RBFOX1: variants seen among roughly 807,000 people sequenced by gnomAD.
The protein encoded by RBFOX1 is RNA binding protein fox-1 homolog 1.
In RBFOX1, 8 loss-of-function variants were observed where a neutral mutation model predicts 57.7. The ratio of observed to expected loss-of-function variants is 0.14; its 90% CI spans 0.08 to 0.25. The LOEUF (loss-of-function observed/expected upper bound fraction) is 0.25, where lower values mean the gene tolerates loss of function less well. Among genes scored for constraint, RBFOX1 ranks in the 10% least tolerant of loss-of-function variants. The pLI, the probability that RBFOX1 is intolerant of heterozygous loss-of-function variation, is 1.00. For synonymous variants in RBFOX1, 326 were observed against 222.4 expected (o/e 1.47, Z -4.15); for missense variants, 611 against 548.5 (o/e 1.11, Z -1.14).
chr16:7,058,574 G>T (rs2053219962), intron 4 of RBFOX1, among the ~76,000 whole-genome samples: 1 of 150,882 alleles, frequency 6.6e-6, no homozygotes, highest in Non-Finnish European at 1.5e-5. Flanking sequence ...TCATAAGTTT[G>T]TGTGTGTGTG....
chr16:6,602,052 A>G (rs1389906461), intron 2 of RBFOX1, among the ~76,000 whole-genome samples: 3 of 152,034 alleles, frequency 2.0e-5, no homozygotes, highest in South Asian at 2.1e-4. Flanking sequence ...AAGGCGTCCT[A>G]TTTCTCTCCT....
chr16:5,905,437 C>T (rs150027507), intron 4 of RBFOX1, among the ~76,000 whole-genome samples: 194 of 152,182 alleles, frequency 1.3e-3, no homozygotes, highest in African/African-American at 4.1e-3. Context: ...GAAGGCCAGG[C>T]GCAGTGGCTC....
At chr16:5,928,568 C>G (rs1362036555) in intron 4 of RBFOX1, among the ~76,000 whole-genome samples, 1 of 152,084 alleles carries the variant, frequency 6.6e-6, no homozygotes, top group Non-Finnish European at 1.5e-5. Flanking sequence ...TTAGGTAACA[C>G]TGGTGAAAGT....
At chr16:6,762,622 A>T (rs1261087299) in intron 3 of RBFOX1, among the ~76,000 whole-genome samples, 3 of 152,192 alleles carry the variant, frequency 2.0e-5, no homozygotes, top group Non-Finnish European at 1.5e-5. Flanking sequence ...AGCAAAAGTC[A>T]TTTTATCAAA....
intron 4 of RBFOX1, among the ~76,000 whole-genome samples, chr16:5,877,894 G>A (rs559499187): frequency 9.2e-5 from 14 of 152,298 alleles, no homozygotes; most frequent in South Asian, 2.1e-4. Flanking sequence ...TCTGGTGGGC[G>A]TGTCTTATGG....
intron 1 of RBFOX1, among the ~76,000 whole-genome samples, chr16:6,020,230 C>A (rs374697450): frequency 4.1e-4 from 62 of 152,012 alleles, no homozygotes; most frequent in African/African-American, 1.4e-3. Context: ...GAAGCACGTC[C>A]TTCCTTGCCC....
intron 5 of RBFOX1, among the ~76,000 whole-genome samples, chr16:7,572,445 T>C (rs1017597661): frequency 2.0e-5 from 3 of 152,174 alleles, no homozygotes; most frequent in African/African-American, 7.2e-5. Context: ...TCCCAGGAGA[T>C]ATTTTTTGTT....
At chr16:5,777,786 C>T (rs971054182) in intron 3 of RBFOX1, among the ~76,000 whole-genome samples, 1 of 152,128 alleles carries the variant, frequency 6.6e-6, no homozygotes, top group African/African-American at 2.4e-5. Flanking sequence ...TTATTTGGCA[C>T]AGGAGTAATA....
At chr16:7,115,140 T>G (rs543804040) in intron 4 of RBFOX1, among the ~76,000 whole-genome samples, 1 of 151,246 alleles carries the variant, frequency 6.6e-6, no homozygotes, top group South Asian at 2.1e-4. Flanking sequence ...ACGTGTAGAT[T>G]CTTGTTAGCA....
At chr16:6,450,793 A>ATGTG (rs2094583682) in intron 2 of RBFOX1, among the ~76,000 whole-genome samples, 1 of 15,462 alleles carries the variant, frequency 6.5e-5, no homozygotes, top group African/African-American at 4.6e-4. Flanking sequence ...ATATATACAT[A>ATGTG]TATATATGTA....
chr16:5,460,531 T>C (rs977073182), intron 1 of RBFOX1, among the ~76,000 whole-genome samples: 1 of 152,202 alleles, frequency 6.6e-6, no homozygotes. Context: ...AACACTTCTG[T>C]GCTACCCACA....
At chr16:5,609,570 G>C (rs897415884) in intron 3 of RBFOX1, among the ~76,000 whole-genome samples, 1 of 152,186 alleles carries the variant, frequency 6.6e-6, no homozygotes, top group Non-Finnish European at 1.5e-5. Flanking sequence ...TGTCAGCGAA[G>C]GTTGACCCAG....
Position 5,937,432 on chromosome 16 carries a change from G to A in RBFOX1, c.351+70097G>A, listed in dbSNP as rs147928555. On this transcript the variant is annotated intron_variant, in intron 4 of 19. Transcript: ENST00000641259. ...CAAGTGTTGAGTTCTAGTGACACAC[G>A]TTTATTTCTGTTTGGGAGAGTTAAA... Among the ~76,000 whole-genome samples, 1,500 of 152,158 alleles carry A rather than the reference G, an allele frequency of 9.9e-3. 31 individuals are homozygous for A. Among genetic ancestry groups the A allele is most frequent in the African/African-American group, 0.034 (1,420 of 41,512 alleles).
chr16:7,657,367 C>T (rs576333170), intron 12 of RBFOX1, among the ~76,000 whole-genome samples: 10 of 152,306 alleles, frequency 6.6e-5, no homozygotes, highest in Middle Eastern at 3.4e-3. Context: ...TGCAATGGCA[C>T]GATCTCGACT....
chr16:7,639,015 T>C (rs2062282478), intron 11 of RBFOX1, among the ~76,000 whole-genome samples: 1 of 151,732 alleles, frequency 6.6e-6, no homozygotes, highest in Non-Finnish European at 1.5e-5. Context: ...ATAGGTACCC[T>C]TCTCCTGGTA....
chr16:5,716,811 A>T (rs1338198069), intron 3 of RBFOX1, among the ~76,000 whole-genome samples: 2 of 152,132 alleles, frequency 1.3e-5, no homozygotes, highest in Non-Finnish European at 2.9e-5. Context: ...AAGCTCAGCG[A>T]CTTGTCCCAG....
intron 4 of RBFOX1, among the ~76,000 whole-genome samples, chr16:5,970,532 A>C (rs941263583): frequency 3.3e-5 from 5 of 152,156 alleles, no homozygotes; most frequent in Admixed American, 1.3e-4. Flanking sequence ...TTCCAGTTTC[A>C]ACCAATGAGT....
chr16:5,724,379 G>A (rs1382063883), intron 3 of RBFOX1, among the ~76,000 whole-genome samples: 2 of 152,270 alleles, frequency 1.3e-5, no homozygotes, highest in East Asian at 1.9e-4. Context: ...AGAGCATTCA[G>A]GAGCTGCAGG....
At chr16:7,353,825 C>G (rs2146135958) in intron 4 of RBFOX1, among the ~76,000 whole-genome samples, 1 of 152,128 alleles carries the variant, frequency 6.6e-6, no homozygotes, top group Non-Finnish European at 1.5e-5. Flanking sequence ...GGAAGCGATC[C>G]TTTTATGGAT....
Sources: allele counts gnomAD v4.1 joint callset (sites outside exome capture counted in the v4.1 genomes callset), GRCh38; gene constraint gnomAD v4.1.1; transcripts MANE v1.5; gene names NCBI Gene and HGNC (gene_info 2026-07-23, HGNC 2026-07-21).